Variants in CADM1 observed in about 807,000 individuals in gnomAD.
CADM1 encodes the protein TSLC-1.
A neutral mutation model predicts 53.1 loss-of-function variants in CADM1; 15 were observed. The observed-to-expected ratio is 0.28, with a 90% CI of 0.19 to 0.44. CADM1 has a LOEUF of 0.44. Among genes scored for constraint, CADM1 ranks in the 20% least tolerant of loss-of-function variants. CADM1 has a pLI of 1.00. For synonymous variants in CADM1, 281 were observed against 243.0 expected (o/e 1.16, Z -1.45); for missense variants, 434 against 611.3 (o/e 0.71, Z 3.06).
intron 3 of CADM1, among the ~76,000 whole-genome samples, chr11:115,235,543 C>T (rs1941981558): frequency 1.3e-5 from 2 of 152,104 alleles, no homozygotes; most frequent in African/African-American, 4.8e-5. Flanking sequence ...TACTAGAAAA[C>T]AGTAATGAAA....
intron 1 of CADM1, among the ~76,000 whole-genome samples, chr11:115,312,216 T>G (rs1013284093): frequency 6.6e-6 from 1 of 152,174 alleles, no homozygotes; most frequent in African/African-American, 2.4e-5. Context: ...ATGATTAGTT[T>G]CTTGCTCCAA....
At position 115,397,462 on chromosome 11, in the gene CADM1, G is replaced by C. The variant is rs1947029395; in HGVS notation, c.124+106809C>G. 3 of 152,106 alleles carry C rather than the reference G, an allele frequency of 2.0e-5. No individual in the cohort carries two copies. The South Asian group carries it at 6.2e-4, about 32-fold the overall frequency. 9.4% of individuals were successfully genotyped at this position (152,106 alleles called of 1,614,324 possible). ...TGAAAAGTCTATGTATCAAGATGTA[G>C]AATAGTACAGCTAAGCACAAGGCTC... is the stretch of plus-strand genomic sequence containing the variant. On this transcript the variant is annotated intron_variant, in intron 1 of 11. Coordinates refer to ENST00000331581, the MANE Select transcript of CADM1 (RefSeq NM_001301043.2).
chr11:115,327,141 T>C (rs1313164561), intron 1 of CADM1, among the ~76,000 whole-genome samples: 1 of 152,220 alleles, frequency 6.6e-6, no homozygotes, highest in Admixed American at 6.5e-5. Flanking sequence ...CTAATTTGCA[T>C]ATGTGCAGGC....
At chr11:115,245,707 C>A (rs373685107) in intron 1 of CADM1, among the ~76,000 whole-genome samples, 16 of 152,274 alleles carry the variant, frequency 1.1e-4, no homozygotes, top group African/African-American at 3.6e-4. Flanking sequence ...TCTGCTGAAA[C>A]CCAGAGGGAA....
chr11:115,353,960 C>T (rs141101275), intron 1 of CADM1, among the ~76,000 whole-genome samples: 4 of 152,152 alleles, frequency 2.6e-5, no homozygotes, highest in East Asian at 3.9e-4. Context: ...GACTGTGAAC[C>T]GAAGCAGTGA....
At chr11:115,462,531 A>C (rs1948818623) in intron 1 of CADM1, among the ~76,000 whole-genome samples, 1 of 152,178 alleles carries the variant, frequency 6.6e-6, no homozygotes, top group African/African-American at 2.4e-5. Context: ...CAAGTGCCGC[A>C]TCTCATCTCA....
chr11:115,205,745 C>A (rs1020807556), intron 8 of CADM1, among the ~76,000 whole-genome samples: 5 of 152,104 alleles, frequency 3.3e-5, no homozygotes, highest in Non-Finnish European at 7.3e-5. Flanking sequence ...ACTATCAATA[C>A]ACAGGAAAGA....
At chr11:115,373,542 C>T (rs547700866) in intron 1 of CADM1, among the ~76,000 whole-genome samples, 1 of 138,346 alleles carries the variant, frequency 7.2e-6, no homozygotes, top group East Asian at 2.1e-4. Flanking sequence ...CCAGATCATG[C>T]CACTGCAGTC....
chr11:115,434,510 C>T (rs1188519302), intron 1 of CADM1, among the ~76,000 whole-genome samples: 1 of 152,172 alleles, frequency 6.6e-6, no homozygotes, highest in East Asian at 1.9e-4. Context: ...ATTTATTATG[C>T]TATCTTCAAC....
chr11:115,385,072 A>T (rs1430500411), intron 1 of CADM1, among the ~76,000 whole-genome samples: 1 of 151,884 alleles, frequency 6.6e-6, no homozygotes, highest in East Asian at 1.9e-4. Context: ...GCTTAAAGAG[A>T]TCCTATTATT....
chr11:115,458,875 A>C (rs1346775486), intron 1 of CADM1, among the ~76,000 whole-genome samples: 2 of 152,196 alleles, frequency 1.3e-5, no homozygotes, highest in Non-Finnish European at 2.9e-5. Flanking sequence ...AAGATCTAAT[A>C]GATTTTTTAA....
At chr11:115,440,434 G>A (rs193204270) in intron 1 of CADM1, among the ~76,000 whole-genome samples, 35 of 152,224 alleles carry the variant, frequency 2.3e-4, no homozygotes, top group African/African-American at 6.3e-4. Context: ...AAATACTTCC[G>A]GAAATATTTG....
At chr11:115,444,856 C>T (rs1272506227) in intron 1 of CADM1, among the ~76,000 whole-genome samples, 3 of 152,172 alleles carry the variant, frequency 2.0e-5, no homozygotes, top group Non-Finnish European at 4.4e-5. Context: ...AGGGAGAAAT[C>T]AACCATAGCT....
At position 115,240,329 on chromosome 11, in the gene CADM1, A is replaced by T. The variant is rs756362249; in HGVS notation, c.216T>A (p.Ser72=). ...TGTTGGGATTCAGTAGCTGAATCAC[A>T]GAGTCGTCACTCTTATTGACTTGGC... ...ISCQVNKSDD[S]VIQLLNPNRQ... is the part of the protein sequence containing the mutation. Residue 72 remains serine, a synonymous_variant, in exon 2 of 12, where the codon TCT becomes TCA. Transcript: ENST00000331581. 4 of 1,613,890 alleles carry T rather than the reference A, an allele frequency of 2.5e-6. No homozygotes were observed. The highest frequency in any genetic ancestry group is 1.6e-4 in the Middle Eastern group (1 of 6,062).
chr11:115,277,249 G>A (rs1943469771), intron 1 of CADM1, among the ~76,000 whole-genome samples: 1 of 152,166 alleles, frequency 6.6e-6, no homozygotes, highest in South Asian at 2.1e-4. Flanking sequence ...CAACCACCAA[G>A]CTCTAATGTT....
At chr11:115,184,301 G>T (rs1021135542) in intron 10 of CADM1, among the ~76,000 whole-genome samples, 2 of 152,138 alleles carry the variant, frequency 1.3e-5, no homozygotes, top group Non-Finnish European at 2.9e-5. Flanking sequence ...ACAAAAATAA[G>T]TGTGCATTTT....
At position 115,173,961 on chromosome 11, in the gene CADM1, A is replaced by C; in HGVS notation, c.*2513T>G. The C allele has an allele frequency of 1.0e-6, 1 of 960,816 alleles. No individual in the cohort carries two copies. The highest frequency in any genetic ancestry group is 1.2e-6 in the Non-Finnish European group (1 of 807,568). 59.5% of individuals were successfully genotyped at this position (960,816 alleles called of 1,614,324 possible). A position where few individuals can be genotyped will look rare whatever the true frequency, so the allele number is the denominator to read the frequency against. Reference sequence around the variant, plus strand: ...AAAAGTGATCAACCTGTACAAAGTAATACTCAACAATACATTTCAAACAGT... The same window carrying C: ...AAAAGTGATCAACCTGTACAAAGTACTACTCAACAATACATTTCAAACAGT... On this transcript the variant is annotated 3_prime_UTR_variant, in exon 12 of 12. Transcript: ENST00000331581.
At chr11:115,490,464 T>G (rs1357795330) in intron 1 of CADM1, among the ~76,000 whole-genome samples, 1 of 147,626 alleles carries the variant, frequency 6.8e-6, no homozygotes, top group African/African-American at 2.5e-5. Context: ...AGGGGTGCGA[T>G]CTCAGCTCAC....
At chr11:115,179,257 C>A in intron 10 of CADM1, 1 of 181,678 alleles carries the variant, frequency 5.5e-6, no homozygotes, top group Non-Finnish European at 1.2e-5. Flanking sequence ...GCTCAAAAGC[C>A]ACAGTTGCCT....
Sources: gnomAD v4.1 joint callset for allele counts (sites outside exome capture counted in the v4.1 genomes callset) on GRCh38, gnomAD v4.1.1 for gene constraint, MANE v1.5 for transcripts, NCBI Gene and HGNC (gene_info 2026-07-23, HGNC 2026-07-21) for gene names.